Variants in PTPRD observed in about 807,000 individuals in gnomAD.
PTPRD encodes receptor-type tyrosine-protein phosphatase delta.
PTPRD carries 34 observed loss-of-function variants against 214.5 expected under a neutral mutation model. The observed-to-expected ratio is 0.16, with a 90% CI of 0.12 to 0.21. The LOEUF (loss-of-function observed/expected upper bound fraction) is 0.21. Ranked by LOEUF, PTPRD falls within the 10% of genes least tolerant of loss-of-function variation. The pLI, the probability that PTPRD is intolerant of heterozygous loss-of-function variation, is 1.00. For synonymous variants in PTPRD, 1,128 were observed against 845.7 expected (o/e 1.33, Z -5.79); for missense variants, 2,545 against 2,398.7 (o/e 1.06, Z -1.27).
At chr9:9,969,580 A>G (rs1055261615) in intron 4 of PTPRD, among the ~76,000 whole-genome samples, 1 of 152,232 alleles carries the variant, frequency 6.6e-6, no homozygotes. Context: ...CAGTGTGAAC[A>G]TTATATTGTA....
chr9:9,495,417 T>C (rs1372116592), intron 8 of PTPRD, among the ~76,000 whole-genome samples: 1 of 151,970 alleles, frequency 6.6e-6, no homozygotes, highest in East Asian at 1.9e-4. Flanking sequence ...TCTCTCCCAA[T>C]TGGTTCTTTC....
chr9:8,546,891 G>A (rs1042365520), intron 14 of PTPRD, among the ~76,000 whole-genome samples: 12 of 152,322 alleles, frequency 7.9e-5, no homozygotes, highest in Admixed American at 7.2e-4. Context: ...CACGTCTAGA[G>A]ATGTTAGTAG....
Position 10,602,040 on chromosome 9 carries a change from A to G in PTPRD, c.-600+10358T>C, listed in dbSNP as rs12236218. Among the ~76,000 whole-genome samples, 30 of 151,932 alleles carry G rather than the reference A, an allele frequency of 2.0e-4. No homozygotes were observed. In the East Asian group the frequency reaches 4.9e-3, roughly 25 times the overall value. On this transcript the variant is annotated intron_variant, in intron 2 of 45. Transcript: ENST00000381196. ...TTGGTGCTCATGAAATAAATGTCAC[A>G]AAACAACTCAACTTTAACTTTCTAT...
At chr9:8,349,258 T>C (rs1245599486) in intron 39 of PTPRD, among the ~76,000 whole-genome samples, 1 of 152,170 alleles carries the variant, frequency 6.6e-6, no homozygotes, top group Non-Finnish European at 1.5e-5. Context: ...CCTCCGGCAC[T>C]TATTTTTCCT....
intron 11 of PTPRD, among the ~76,000 whole-genome samples, chr9:8,917,705 A>C (rs1255036965): frequency 6.6e-6 from 1 of 152,160 alleles, no homozygotes; most frequent in Non-Finnish European, 1.5e-5. Context: ...TAAACAAACA[A>C]TCCTAGCAGT....
rs118089992 is a variant in PTPRD at position 8,552,359 on chromosome 9, C to T, written c.353-23580G>A. Among the ~76,000 whole-genome samples, 425 of 152,278 alleles carry T rather than the reference C, an allele frequency of 2.8e-3. 3 individuals are homozygous for T. The East Asian group carries it at 0.039, about 14-fold the overall frequency. On this transcript the variant is annotated intron_variant, in intron 14 of 45. Transcript: ENST00000381196. ...GGTTTCTCTTCTTGCTGTGTCAGAA[C>T]GGACCAGCGTGAGAGAGTTTTTGAC...
At chr9:9,718,916 G>A (rs12350194) in intron 7 of PTPRD, among the ~76,000 whole-genome samples, 64,061 of 151,916 alleles carry the variant, frequency 0.42, 15,690 homozygotes, top group African/African-American at 0.67. Context: ...AATGGCAGCC[G>A]GAGGCAGACA....
At chr9:9,365,472 T>A (rs2057622709) in intron 9 of PTPRD, among the ~76,000 whole-genome samples, 1 of 151,568 alleles carries the variant, frequency 6.6e-6, no homozygotes, top group African/African-American at 2.4e-5. Context: ...ACTCATGAAT[T>A]CCCTAATTGT....
chr9:9,879,594 C>A (rs1456201058), intron 5 of PTPRD, among the ~76,000 whole-genome samples: 1 of 152,134 alleles, frequency 6.6e-6, no homozygotes, highest in Admixed American at 6.6e-5. Flanking sequence ...TTTTTTCCAA[C>A]ACAACCAACT....
At chr9:10,145,817 TATG>T (rs2154271228) in intron 3 of PTPRD, among the ~76,000 whole-genome samples, 1 of 152,144 alleles carries the variant, frequency 6.6e-6, no homozygotes, top group Admixed American at 6.6e-5. Flanking sequence ...TTACATAAAA[TATG>T]ATGGTAGAAA....
chr9:8,969,915 A>G (rs1205395243), intron 11 of PTPRD, among the ~76,000 whole-genome samples: 1 of 151,950 alleles, frequency 6.6e-6, no homozygotes, highest in Non-Finnish European at 1.5e-5. Flanking sequence ...TTAAATTACT[A>G]TTTTGATTAG....
At chr9:9,805,133 T>TC (rs1226942269) in intron 5 of PTPRD, among the ~76,000 whole-genome samples, 19 of 152,040 alleles carry the variant, frequency 1.2e-4, no homozygotes, top group African/African-American at 4.1e-4. Flanking sequence ...GGCTTTGGGT[T>TC]TTGGGGCCAG....
intron 10 of PTPRD, among the ~76,000 whole-genome samples, chr9:9,047,067 G>T (rs1001109093): frequency 6.6e-6 from 1 of 152,040 alleles, no homozygotes; most frequent in African/African-American, 2.4e-5. Context: ...CAGTAAAGTT[G>T]CAGAATATAA....
At chr9:8,929,466 G>A (rs1371015247) in intron 11 of PTPRD, among the ~76,000 whole-genome samples, 1 of 151,784 alleles carries the variant, frequency 6.6e-6, no homozygotes, top group Non-Finnish European at 1.5e-5. Flanking sequence ...TTGGTCATTG[G>A]CTCTGTTTAT....
chr9:9,946,057 G>T (rs4581109), intron 4 of PTPRD, among the ~76,000 whole-genome samples: 2 of 151,116 alleles, frequency 1.3e-5, no homozygotes, highest in Non-Finnish European at 2.9e-5. Flanking sequence ...TCCTTTCCCA[G>T]TTGGGAAAGT....
intron 5 of PTPRD, among the ~76,000 whole-genome samples, chr9:9,868,588 G>A (rs2064602785): frequency 6.6e-6 from 1 of 151,604 alleles, no homozygotes; most frequent in South Asian, 2.1e-4. Context: ...AGGTGACAAT[G>A]AGATAAATTA....
chr9:10,008,188 C>A (rs2096528349), intron 4 of PTPRD, among the ~76,000 whole-genome samples: 1 of 151,950 alleles, frequency 6.6e-6, no homozygotes, highest in African/African-American at 2.4e-5. Context: ...AAACTGAGTT[C>A]TCACCTGTGA....
At chr9:9,226,996 C>A (rs2133654665) in intron 9 of PTPRD, among the ~76,000 whole-genome samples, 1 of 152,142 alleles carries the variant, frequency 6.6e-6, no homozygotes, top group South Asian at 2.1e-4. Context: ...TTAGATACTT[C>A]TATTTCATAT....
intron 10 of PTPRD, among the ~76,000 whole-genome samples, chr9:9,129,480 T>A (rs2099839286): frequency 6.6e-6 from 1 of 152,216 alleles, no homozygotes; most frequent in Non-Finnish European, 1.5e-5. Context: ...TTTATTTAGT[T>A]ATTATCTTCC....
Sources: gnomAD v4.1 joint callset for allele counts (sites outside exome capture counted in the v4.1 genomes callset) on GRCh38, gnomAD v4.1.1 for gene constraint, MANE v1.5 for transcripts, NCBI Gene and HGNC (gene_info 2026-07-23, HGNC 2026-07-21) for gene names.